Variants in TTLL8 observed in about 807,000 individuals in gnomAD.
TTLL8 encodes tubulin tyrosine ligase like 8.
TTLL8 carries 65 observed loss-of-function variants against 77.8 expected under a neutral mutation model. The observed-to-expected ratio is 0.84, with a 90% CI of 0.68 to 1.03. The LOEUF is 1.03. Ranked by LOEUF, TTLL8 falls within the 50% of genes least tolerant of loss-of-function variation. The pLI, the probability that TTLL8 is intolerant of heterozygous loss-of-function variation, is 0.00. For missense variants in TTLL8, 910 were observed against 1,004.5 expected (o/e 0.91, Z 1.27); for synonymous variants, 402 against 422.8 (o/e 0.95, Z 0.60).
rs369144506 is a variant in TTLL8 at position 50,054,576 on chromosome 22, G to A, written c.51C>T (p.Cys17=). ...GGGAGCTGGGGTGTGGGGAACCTAC[G>A]CAGGCATTCTCTGAGTACCTGGAAG... The change falls in exon 1 of 14, where the codon TGC becomes TGT. Residue 17 remains cysteine, a splice_region_variant and synonymous_variant. Transcript: ENST00000266182. 2.9e-5 allele frequency: 7 copies of A among 243,724 alleles called. No individual in the cohort carries two copies. In the Middle Eastern group the frequency reaches 3.2e-3, roughly 113 times the overall value. The allele number at this position is 243,724 out of a possible 1,614,324, so 15.1% of individuals were successfully genotyped here.
chr22:50,050,133 C>G lies in TTLL8; in HGVS notation c.166G>C (p.Glu56Gln), dbSNP rs184510799. 3 of 1,367,134 alleles carry G rather than the reference C, an allele frequency of 2.2e-6. No individual in the cohort carries two copies. In the South Asian group the frequency reaches 3.4e-5, roughly 16 times the overall value. 84.7% of individuals were successfully genotyped at this position (1,367,134 alleles called of 1,614,324 possible). A position where few individuals can be genotyped will look rare whatever the true frequency, so the allele number is the denominator to read the frequency against. ...CCATTGACCCGGGCGCCTTCATCCT[C>G]GACATCCGGAATGACCTTGGGCAAA... is the stretch of plus-strand genomic sequence containing the variant. The change falls in exon 2 of 14, where the codon GAG becomes CAG. Residue 56 changes from glutamate to glutamine, a missense_variant. Coordinates refer to ENST00000266182, the Ensembl canonical transcript of TTLL8.
intron 8 of TTLL8, among the ~76,000 whole-genome samples, chr22:50,038,091 T>C (rs1373260916): frequency 3.3e-5 from 5 of 152,214 alleles, no homozygotes; most frequent in African/African-American, 1.2e-4. Context: ...GAATGTATTT[T>C]GTTAGATTTA....
rs372621104 is a variant in TTLL8 at position 50,041,572 on chromosome 22, A to C, written c.830+49T>G. ...CTGCACTGCCCCGGCAGCTCCTGCA[A>C]TCTGCACTCACAGCTCCGACATGTG... On this transcript the variant is annotated intron_variant, in intron 7 of 13. Transcript: ENST00000266182. The surrounding 1 kb of genome is among the most constrained non-coding windows in gnomAD (Gnocchi z 4.3). The C allele has an allele frequency of 7.7e-7, 1 of 1,295,070 alleles. No individual in the cohort carries two copies. 80.2% of individuals were successfully genotyped at this position (1,295,070 alleles called of 1,614,324 possible).
chr22:50,055,109 C>T, upstream of TTLL8: 1 of 1,167,528 alleles, frequency 8.6e-7, no homozygotes, highest in South Asian at 1.6e-5. Context: ...CAAGTCCCCA[C>T]AGGGAGGAGG....
chr22:50,042,705 G>A (rs2061379412), intron 6 of TTLL8, among the ~76,000 whole-genome samples: 1 of 152,184 alleles, frequency 6.6e-6, no homozygotes, highest in South Asian at 2.1e-4. Context: ...TGACACGGGA[G>A]GATCGCTGGA....
intron 1 of TTLL8, among the ~76,000 whole-genome samples, chr22:50,052,901 TAAC>T (rs1380298693): frequency 1.3e-5 from 2 of 152,148 alleles, no homozygotes; most frequent in Non-Finnish European, 2.9e-5. Context: ...ACAACTCAAA[TAAC>T]AAACTCTACT....
chr22:50,053,058 C>G (rs978304933), intron 1 of TTLL8, among the ~76,000 whole-genome samples: 2 of 152,052 alleles, frequency 1.3e-5, no homozygotes, highest in Admixed American at 1.3e-4. Context: ...CCCGTCTCTA[C>G]TAAAAATACA....
exon 2 of TTLL8, chr22:50,050,141 G>A (rs370681747): frequency 1.7e-5 from 23 of 1,367,202 alleles, no homozygotes; most frequent in African/African-American, 2.9e-5. Context: ...CTCGACATCC[G>A]GAATGACCTT....
chr22:50,020,050 T>C (rs2061185768), intron 12 of TTLL8, among the ~76,000 whole-genome samples: 1 of 152,210 alleles, frequency 6.6e-6, no homozygotes, highest in Admixed American at 6.5e-5. Flanking sequence ...ATACTTTTCT[T>C]AGTAACTGAT....
At chr22:50,033,358 T>C in exon 10 of TTLL8, 1 of 1,365,518 alleles carries the variant, frequency 7.3e-7, no homozygotes, top group Non-Finnish European at 9.8e-7. Flanking sequence ...GATGTACTTC[T>C]GGACCACCCA....
At chr22:50,052,154 G>T (rs941732706) in intron 1 of TTLL8, among the ~76,000 whole-genome samples, 2 of 151,810 alleles carry the variant, frequency 1.3e-5, no homozygotes, top group Non-Finnish European at 2.9e-5. Context: ...ATCAGTCTGA[G>T]GCCTGTCACC....
At chr22:50,053,473 C>T (rs1030116980) in intron 1 of TTLL8, among the ~76,000 whole-genome samples, 3 of 152,096 alleles carry the variant, frequency 2.0e-5, no homozygotes, top group Admixed American at 6.5e-5. Context: ...AAACGTACTC[C>T]AAAATAAAAG....
At chr22:50,046,082 C>T in intron 4 of TTLL8, 112 bp from the exon 7 acceptor site, 1 of 971,930 alleles carries the variant, frequency 1.0e-6, no homozygotes, top group Non-Finnish European at 1.4e-6. Context: ...TGGGGCACCA[C>T]ACAGCACCCC....
chr22:50,025,298 C>T (rs1453365653), intron 12 of TTLL8, among the ~76,000 whole-genome samples: 1 of 126,174 alleles, frequency 7.9e-6, no homozygotes, highest in Admixed American at 7.8e-5. Flanking sequence ...AAAAAAAAGG[C>T]ATCACTAAGA....
chr22:50,041,147 G>T lies in TTLL8; in HGVS notation c.921+40C>A, dbSNP rs374564058. 7.6e-6 allele frequency: 3 copies of T among 396,702 alleles called. No individual in the cohort carries two copies. The highest frequency in any genetic ancestry group is 1.0e-5 in the Non-Finnish European group (2 of 200,838). 24.6% of individuals were successfully genotyped at this position (396,702 alleles called of 1,614,324 possible). ...TGCCAGTCACTCACCAACACCAAGA[G>T]TGAGGCAGGTGCCCCAGTGGAGAGA... is the stretch of plus-strand genomic sequence containing the variant. On this transcript the variant is annotated intron_variant, in intron 8 of 13. Transcript: ENST00000266182. This position sits in a 1 kb window ranked among gnomAD's most constrained non-coding sequence, Gnocchi z 4.3.
chr22:50,030,801 G>A (rs762442957), exon 12 of TTLL8: 6 of 1,348,730 alleles, frequency 4.4e-6, no homozygotes, highest in South Asian at 2.4e-5. Context: ...CAGCGGCTGC[G>A]CGTCCAACAG....
chr22:50,032,515 C>T (rs976088905), intron 10 of TTLL8, among the ~76,000 whole-genome samples: 12 of 152,228 alleles, frequency 7.9e-5, no homozygotes, highest in African/African-American at 2.4e-4. Context: ...GGTGTGACTT[C>T]GAGCATGACC....
chr22:50,055,781 G>A (rs1222421792), upstream of TTLL8, among the ~76,000 whole-genome samples: 4 of 152,170 alleles, frequency 2.6e-5, no homozygotes, highest in Admixed American at 1.3e-4. Flanking sequence ...TGGGAGAGGG[G>A]GTGTGGCCGG....
intron 8 of TTLL8, among the ~76,000 whole-genome samples, chr22:50,040,240 G>A (rs191908041): frequency 6.1e-5 from 9 of 146,462 alleles, no homozygotes; most frequent in East Asian, 4.1e-4. Flanking sequence ...TTGTGCCGGC[G>A]TAGGCAGACC....
Sources: allele counts gnomAD v4.1 joint callset (sites outside exome capture counted in the v4.1 genomes callset), GRCh38; gene constraint gnomAD v4.1.1; non-coding constraint Gnocchi (gnomAD v3.1); transcripts MANE v1.5; gene names NCBI Gene and HGNC (gene_info 2026-07-23, HGNC 2026-07-21).